The following CDH20 variants were observed in gnomAD, a reference collection of about 807,000 sequenced individuals.
The protein encoded by CDH20 is cadherin 20, also known as cadherin-20.
A neutral mutation model predicts 74.2 loss-of-function variants in CDH20; 29 were observed. That is an observed-to-expected ratio of 0.39 (90% CI 0.29 to 0.53). CDH20 has a LOEUF of 0.53. Ranked by LOEUF, CDH20 falls within the 20% of genes least tolerant of loss-of-function variation. CDH20 has a pLI of 0.69. For missense variants in CDH20, 988 were observed against 1,048.3 expected, an observed-to-expected ratio of 0.94 and a Z score of 0.79; for synonymous variants, 469 against 405.4, an observed-to-expected ratio of 1.16 and a Z score of -1.88.
chr18:61,381,896 C>T (rs1394052410), intron 1 of CDH20, among the ~76,000 whole-genome samples: 2 of 152,222 alleles, frequency 1.3e-5, no homozygotes, highest in African/African-American at 4.8e-5. Context: ...CATCTCAACA[C>T]ATGAGATCTC....
intron 1 of CDH20, among the ~76,000 whole-genome samples, chr18:61,405,881 C>T (rs1403707217): frequency 6.6e-6 from 1 of 152,210 alleles, no homozygotes; most frequent in Admixed American, 6.5e-5. Context: ...ATCAGCATAA[C>T]TTCAAGGCTT....
chr18:61,465,005 T>C (rs1909914669), intron 1 of CDH20, among the ~76,000 whole-genome samples: 3 of 152,230 alleles, frequency 2.0e-5, no homozygotes, highest in African/African-American at 7.2e-5. Context: ...CTTCAGGAAA[T>C]GACACTATCC....
chr18:61,510,800 T>C (rs1408831182), intron 6 of CDH20, among the ~76,000 whole-genome samples: 2 of 152,186 alleles, frequency 1.3e-5, no homozygotes, highest in East Asian at 1.9e-4. Flanking sequence ...TAATAACACA[T>C]GCTAGAATTA....
intron 6 of CDH20, among the ~76,000 whole-genome samples, chr18:61,524,007 C>G (rs749015358): frequency 3.3e-5 from 5 of 151,992 alleles, no homozygotes; most frequent in Non-Finnish European, 7.4e-5. Context: ...ACAGGTATAC[C>G]TATGTAACAA....
chr18:61,471,088 G>T (rs1479405861), intron 1 of CDH20, among the ~76,000 whole-genome samples: 2 of 152,130 alleles, frequency 1.3e-5, no homozygotes, highest in African/African-American at 4.8e-5. Context: ...TTTAAGAAAA[G>T]GCTGAAATAG....
intron 8 of CDH20, among the ~76,000 whole-genome samples, chr18:61,537,947 T>G (rs1912869088): frequency 6.6e-6 from 1 of 152,194 alleles, no homozygotes; most frequent in Non-Finnish European, 1.5e-5. Context: ...ATTTCTGTTT[T>G]GTCTCCTTGG....
At chr18:61,507,621 A>G in intron 6 of CDH20, 61 bp downstream of exon 6, 2 of 1,253,288 alleles carry the variant, frequency 1.6e-6, no homozygotes, top group South Asian at 2.8e-5. Context: ...ATGAAATGCT[A>G]GTAAGGACTG....
At chr18:61,352,638 A>G (rs551026217) in intron 1 of CDH20, among the ~76,000 whole-genome samples, 1 of 152,362 alleles carries the variant, frequency 6.6e-6, no homozygotes, top group East Asian at 1.9e-4. Context: ...TAAATGTAAT[A>G]AATAATAATT....
intron 8 of CDH20, among the ~76,000 whole-genome samples, chr18:61,538,631 T>TTTTTTG (rs1568182261): frequency 8.3e-6 from 1 of 120,672 alleles, no homozygotes; most frequent in Non-Finnish European, 1.8e-5. Flanking sequence ...TTTTGTTTTT[T>TTTTTTG]TTTTTGAGAC....
chr18:61,433,910 A>T lies in CDH20; in HGVS notation c.-152-56492A>T, dbSNP rs142387646. On this transcript the variant is annotated intron_variant, in intron 1 of 11. Coordinates refer to ENST00000262717, the MANE Select transcript of CDH20 (RefSeq NM_031891.4). ...GTTTACTCTCAGAAAACAGAACCTT[A>T]GAAACAAATTCAGCAGTAGAATCAA... Among the ~76,000 whole-genome samples, 1,188 of 152,280 alleles carry T rather than the reference A, an allele frequency of 7.8e-3. 17 individuals carry two copies. The highest frequency in any genetic ancestry group is 0.027 in the African/African-American group (1,124 of 41,548).
intron 1 of CDH20, among the ~76,000 whole-genome samples, chr18:61,449,668 G>A (rs558363881): frequency 6.6e-6 from 1 of 151,794 alleles, no homozygotes; most frequent in South Asian, 2.1e-4. Context: ...GAATCATAAA[G>A]AATTAGGATG....
chr18:61,348,110 G>T (rs1392758747), intron 1 of CDH20, among the ~76,000 whole-genome samples: 1 of 152,040 alleles, frequency 6.6e-6, no homozygotes, highest in Non-Finnish European at 1.5e-5. Context: ...TTTTTTTGGG[G>T]GGGTGGTCCA....
intron 1 of CDH20, among the ~76,000 whole-genome samples, chr18:61,362,001 A>G (rs1910708448): frequency 6.6e-6 from 1 of 152,108 alleles, no homozygotes; most frequent in African/African-American, 2.4e-5. Flanking sequence ...ATTAATCTCC[A>G]TTTTACAGGA....
At chr18:61,481,430 A>T (rs1400143168) in intron 1 of CDH20, among the ~76,000 whole-genome samples, 2 of 152,228 alleles carry the variant, frequency 1.3e-5, no homozygotes, top group African/African-American at 4.8e-5. Context: ...CGAGTGGCAG[A>T]GCTGGAATTG....
chr18:61,543,111 T>C (rs546821098), intron 9 of CDH20, among the ~76,000 whole-genome samples: 1 of 152,254 alleles, frequency 6.6e-6, no homozygotes, highest in South Asian at 2.1e-4. Context: ...AAATCCTTCA[T>C]TGAAGGGGGA....
intron 1 of CDH20, among the ~76,000 whole-genome samples, chr18:61,476,415 C>T (rs1324825990): frequency 6.6e-6 from 1 of 152,174 alleles, no homozygotes; most frequent in Non-Finnish European, 1.5e-5. Context: ...AAAAACCCCA[C>T]ACCAGAATCA....
intron 1 of CDH20, among the ~76,000 whole-genome samples, chr18:61,398,259 G>A (rs1000420239): frequency 5.3e-5 from 8 of 152,168 alleles, no homozygotes; most frequent in Non-Finnish European, 7.4e-5. Context: ...TAATTTTATA[G>A]TTTTATCTGC....
At chr18:61,381,270 G>A (rs920693496) in intron 1 of CDH20, among the ~76,000 whole-genome samples, 4 of 152,206 alleles carry the variant, frequency 2.6e-5, no homozygotes, top group Middle Eastern at 6.8e-3. Context: ...TTATTTTTAG[G>A]CCTAACAAGC....
chr18:61,535,819 T>C (rs1366097423), intron 7 of CDH20, among the ~76,000 whole-genome samples: 1 of 152,244 alleles, frequency 6.6e-6, no homozygotes, highest in Admixed American at 6.5e-5. Flanking sequence ...ATTAATTACA[T>C]AGCTTATATG....
Sources: gnomAD v4.1 joint callset for allele counts (sites outside exome capture counted in the v4.1 genomes callset) on GRCh38, gnomAD v4.1.1 for gene constraint, MANE v1.5 for transcripts, NCBI Gene and HGNC (gene_info 2026-07-23, HGNC 2026-07-21) for gene names.